Variants in PARD3B observed in about 807,000 individuals in gnomAD.
PARD3B encodes the protein par-3 family cell polarity regulator beta, also known as partitioning defective 3 homolog B.
In PARD3B, 103 loss-of-function variants were observed where a neutral mutation model predicts 130.2. The ratio of observed to expected loss-of-function variants is 0.79; its 90% CI spans 0.67 to 0.93. The LOEUF is 0.93. PARD3B is among the 40% of genes least tolerant of loss of function. The pLI is 0.00. For missense variants in PARD3B, 1,609 were observed against 1,499.2 expected (o/e 1.07, Z -1.21); for synonymous variants, 583 against 553.2 (o/e 1.05, Z -0.76).
chr2:205,468,980 T>C (rs944952270), intron 20 of PARD3B, among the ~76,000 whole-genome samples: 1 of 151,748 alleles, frequency 6.6e-6, no homozygotes, highest in Admixed American at 6.6e-5. Flanking sequence ...TTTTTTTTTT[T>C]CTTAATGAAG....
rs1161336315 is a variant in PARD3B at position 204,545,807 on chromosome 2, C to T, written c.-193C>T. 7 of 557,876 alleles carry T rather than the reference C, an allele frequency of 1.3e-5. No individual in the cohort carries two copies. Among genetic ancestry groups the T allele is most frequent in the Admixed American group, 8.8e-5 (2 of 22,644 alleles). The allele number at this position is 557,876 out of a possible 1,614,324, so 34.6% of individuals were successfully genotyped here. On this transcript the variant is annotated 5_prime_UTR_variant, in exon 1 of 23. Transcript: ENST00000406610. Reference sequence around the variant, plus strand: ...AACCCCTTTCCGCGGCCGCCCCTCCCCGATTCCCGCCACCTGCCGCCTGGC... The same window carrying T: ...AACCCCTTTCCGCGGCCGCCCCTCCTCGATTCCCGCCACCTGCCGCCTGGC...
chr2:204,687,208 C>A (rs1339828076), intron 2 of PARD3B, among the ~76,000 whole-genome samples: 1 of 152,016 alleles, frequency 6.6e-6, no homozygotes, highest in Non-Finnish European at 1.5e-5. Context: ...TTATATTTTT[C>A]TTTTTCCATA....
chr2:205,002,046 A>G (rs529618666), intron 3 of PARD3B, among the ~76,000 whole-genome samples: 2 of 152,316 alleles, frequency 1.3e-5, no homozygotes, highest in African/African-American at 4.8e-5. Context: ...CCATTCCCTA[A>G]TATAAGTAGC....
intron 16 of PARD3B, among the ~76,000 whole-genome samples, chr2:205,277,690 A>G (rs146919446): frequency 8.5e-5 from 13 of 152,280 alleles, no homozygotes; most frequent in African/African-American, 2.6e-4. Context: ...AATTTGTTCA[A>G]AATGGCTGGA....
intron 3 of PARD3B, among the ~76,000 whole-genome samples, chr2:205,035,820 T>TATATATAGTGGG (rs1491091922): frequency 8.7e-4 from 2 of 2,298 alleles, no homozygotes; most frequent in African/African-American, 1.7e-3. Context: ...TATATATATA[T>TATATATAGTGGG]CTATATATCT....
intron 2 of PARD3B, among the ~76,000 whole-genome samples, chr2:204,783,658 A>C (rs1046538536): frequency 6.6e-6 from 1 of 152,070 alleles, no homozygotes; most frequent in Admixed American, 6.6e-5. Flanking sequence ...TGTGCCGAAC[A>C]CTCATTTAGG....
chr2:204,936,306 G>A (rs1348246723), intron 2 of PARD3B, among the ~76,000 whole-genome samples: 1 of 152,168 alleles, frequency 6.6e-6, no homozygotes, highest in East Asian at 1.9e-4. Context: ...TGAGTAAGAA[G>A]GATTCTTCAG....
At chr2:204,797,939 G>A (rs972055844) in intron 2 of PARD3B, among the ~76,000 whole-genome samples, 2 of 152,038 alleles carry the variant, frequency 1.3e-5, no homozygotes, top group East Asian at 1.9e-4. Context: ...TAATTATCTT[G>A]GGATATATAG....
Position 205,258,050 on chromosome 2 carries a change from AG to A in PARD3B, c.2185+12229del, listed in dbSNP as rs2040162566. 1.3e-5 allele frequency among the ~76,000 whole-genome samples: 2 copies of A among 152,122 alleles called. No individual in the cohort carries two copies. Among genetic ancestry groups the A allele is most frequent in the Non-Finnish European group, 2.9e-5 (2 of 68,022 alleles). On this transcript the variant is annotated intron_variant, in intron 16 of 22. Coordinates refer to ENST00000406610, the MANE Select transcript of PARD3B (RefSeq NM_001302769.2). The surrounding 1 kb of genome is among the most constrained non-coding windows in gnomAD (Gnocchi z 4.9). ...ACTTCTCTCAATAAACTCTAACTTGAGTTATATTTTCAAATATAGTCCCCCA... is the reference window on the plus strand; with the variant it reads ...ACTTCTCTCAATAAACTCTAACTTGATTATATTTTCAAATATAGTCCCCCA...
chr2:205,544,456 CACACATACACACACAAA>C (rs1233955148), intron 21 of PARD3B, among the ~76,000 whole-genome samples: 1 of 152,068 alleles, frequency 6.6e-6, no homozygotes, highest in South Asian at 2.1e-4. Context: ...TGCACATACA[CACACATACACACACAAA>C]GTGCATCTGA....
intron 1 of PARD3B, among the ~76,000 whole-genome samples, chr2:204,556,145 C>G (rs561085061): frequency 6.6e-6 from 1 of 152,320 alleles, no homozygotes; most frequent in East Asian, 1.9e-4. Context: ...ATGCATCCAT[C>G]ACCACCTGTT....
intron 2 of PARD3B, among the ~76,000 whole-genome samples, chr2:204,961,067 C>T (rs1420986049): frequency 6.6e-6 from 1 of 152,132 alleles, no homozygotes; most frequent in Non-Finnish European, 1.5e-5. Flanking sequence ...GGGGCGGGAT[C>T]AGCAGAACAC....
At chr2:205,490,801 A>G (rs1218638983) in intron 20 of PARD3B, among the ~76,000 whole-genome samples, 1 of 152,206 alleles carries the variant, frequency 6.6e-6, no homozygotes, top group Non-Finnish European at 1.5e-5. Context: ...AGTGATCGCC[A>G]TTCTAACTGG....
chr2:205,310,208 C>T (rs2042330400), intron 18 of PARD3B, among the ~76,000 whole-genome samples: 1 of 151,550 alleles, frequency 6.6e-6, no homozygotes, highest in Non-Finnish European at 1.5e-5. Flanking sequence ...CCTCAGCCTC[C>T]CAAGTAGCTG....
rs1340641335 is a variant in PARD3B, at chr2:205,473,093, T to C, written c.3045-26803T>C. Among the ~76,000 whole-genome samples the C allele has an allele frequency of 6.6e-6, 1 of 152,132 alleles. No individual in the cohort carries two copies. Among genetic ancestry groups the C allele is most frequent in the Admixed American group, 6.6e-5 (1 of 15,246 alleles). ...AAATTCTAGCAACTTCTTAAGAAGC[T>C]CTAAAAAGAAAGTTCTGGGTTAGGA... On this transcript the variant is annotated intron_variant, in intron 20 of 22. Transcript: ENST00000406610. This position sits in a 1 kb window ranked among gnomAD's most constrained non-coding sequence, Gnocchi z 4.9.
At chr2:204,781,562 G>GATT (rs1466692417) in intron 2 of PARD3B, among the ~76,000 whole-genome samples, 1 of 152,024 alleles carries the variant, frequency 6.6e-6, no homozygotes, top group African/African-American at 2.4e-5. Context: ...TGGCAATAAG[G>GATT]ATTCAGCTGT....
chr2:205,117,903 G>A (rs2030037906), intron 6 of PARD3B, among the ~76,000 whole-genome samples: 1 of 17,454 alleles, frequency 5.7e-5, no homozygotes, highest in Non-Finnish European at 1.6e-4. Context: ...ACAGAATTGT[G>A]TATGTATGTG....
At chr2:205,063,338 A>G (rs979174015) in intron 4 of PARD3B, among the ~76,000 whole-genome samples, 70 of 151,960 alleles carry the variant, frequency 4.6e-4, no homozygotes, top group African/African-American at 1.1e-3. Context: ...ATAAAAAAAT[A>G]AAATTTTATA....
At chr2:205,362,141 G>A (rs2044411918) in intron 18 of PARD3B, among the ~76,000 whole-genome samples, 1 of 152,140 alleles carries the variant, frequency 6.6e-6, no homozygotes, top group South Asian at 2.1e-4. Flanking sequence ...AAAGAAGCTG[G>A]TGACAATGAA....
Sources: allele counts gnomAD v4.1 joint callset (sites outside exome capture counted in the v4.1 genomes callset), GRCh38; gene constraint gnomAD v4.1.1; non-coding constraint Gnocchi (gnomAD v3.1); transcripts MANE v1.5; gene names NCBI Gene and HGNC (gene_info 2026-07-23, HGNC 2026-07-21).